The following NEK10 variants were observed in gnomAD, a reference collection of about 807,000 sequenced individuals.
NEK10 encodes serine/threonine-protein kinase Nek10.
NEK10 carries 122 observed loss-of-function variants against 159.8 expected under a neutral mutation model. The observed-to-expected ratio is 0.76, with a 90% CI of 0.66 to 0.89. The LOEUF (loss-of-function observed/expected upper bound fraction) is 0.89, where lower values mean the gene tolerates loss of function less well. Among genes scored for constraint, NEK10 ranks in the 40% least tolerant of loss-of-function variants. NEK10 has a pLI of 0.00. For missense variants in NEK10, 1,342 were observed against 1,323.1 expected (o/e 1.01, Z -0.22); for synonymous variants, 466 against 457.1 (o/e 1.02, Z -0.25).
chr3:27,124,822 T>C (rs550859223), intron 32 of NEK10, among the ~76,000 whole-genome samples: 2 of 152,324 alleles, frequency 1.3e-5, no homozygotes, highest in South Asian at 2.1e-4. Flanking sequence ...GGTGGAAATA[T>C]GGAGGACACA....
In NEK10 at chr3:27,110,436, G is replaced by C. The variant is rs1047299835; in HGVS notation, c.*836C>G. ...TGTAATAAGGAGGGATTTAGGATGA[G>C]GAATATTGCATCTTTTTCATAGATT... On this transcript the variant is annotated 3_prime_UTR_variant, in exon 36 of 36. Transcript: ENST00000691995. 2 of 152,142 alleles carry C rather than the reference G, an allele frequency of 1.3e-5. No individual in the cohort carries two copies. Among genetic ancestry groups the C allele is most frequent in the African/African-American group, 2.4e-5 (1 of 41,426 alleles). 9.4% of individuals were successfully genotyped at this position (152,142 alleles called of 1,614,324 possible).
At chr3:27,364,110 C>T (rs1013218362) in intron 1 of NEK10, among the ~76,000 whole-genome samples, 5 of 150,322 alleles carry the variant, frequency 3.3e-5, no homozygotes, top group African/African-American at 9.8e-5. Context: ...GTGGAGAGTG[C>T]GGTCTCACTA....
chr3:27,288,956 G>T (rs1168381423), intron 19 of NEK10, among the ~76,000 whole-genome samples: 1 of 152,136 alleles, frequency 6.6e-6, no homozygotes, highest in Non-Finnish European at 1.5e-5. Context: ...AGCCTCCCTT[G>T]AAGCTGGGGG....
intron 22 of NEK10, among the ~76,000 whole-genome samples, chr3:27,271,053 T>C (rs886413788): frequency 6.6e-6 from 1 of 152,190 alleles, no homozygotes; most frequent in Non-Finnish European, 1.5e-5. Context: ...CTTATCCCTG[T>C]AGACTGATGG....
chr3:27,166,512 G>A (rs7641830), intron 29 of NEK10, among the ~76,000 whole-genome samples: 96,103 of 152,030 alleles, frequency 0.63, 32,478 homozygotes, highest in African/African-American at 0.89. Context: ...TACAGATTAT[G>A]AAAAAGATGG....
chr3:27,133,028 G>A (rs951239070), intron 31 of NEK10, among the ~76,000 whole-genome samples: 1 of 152,090 alleles, frequency 6.6e-6, no homozygotes, highest in Admixed American at 6.6e-5. Flanking sequence ...GACTACTTTT[G>A]GTCAATAAAA....
At chr3:27,333,002 A>G (rs563950073) in intron 5 of NEK10, among the ~76,000 whole-genome samples, 1 of 152,340 alleles carries the variant, frequency 6.6e-6, no homozygotes, top group South Asian at 2.1e-4. Context: ...TGCTTCCTCC[A>G]CTAAGAAGAA....
rs35663067 is a variant in NEK10 at position 27,286,079 on chromosome 3, C to CTTTTTTT, written c.1790-1125_1790-1119dup. On this transcript the variant is annotated intron_variant, in intron 20 of 35. Coordinates refer to ENST00000691995, the MANE Select transcript of NEK10 (RefSeq NM_001394966.1). The stretch of plus-strand genomic sequence containing the variant: ...ATGTATTTTTAAGCCATTTCCAATT[C>CTTTTTTT]TTTTTTTTTTTTTTTTTTTTTTTTG... Among the ~76,000 whole-genome samples, 401 of 57,754 alleles carry CTTTTTTT rather than the reference C, an allele frequency of 6.9e-3. 20 individuals carry two copies. Among genetic ancestry groups the CTTTTTTT allele is most frequent in the African/African-American group, 0.01 (134 of 12,912 alleles). The allele number at this position is 57,754 out of a possible 152,430, so 37.9% of individuals were successfully genotyped here. A position where few individuals can be genotyped will look rare whatever the true frequency, so the allele number is the denominator to read the frequency against.
chr3:27,299,236 T>C (rs1228691867), intron 13 of NEK10, among the ~76,000 whole-genome samples: 1 of 152,164 alleles, frequency 6.6e-6, no homozygotes, highest in Non-Finnish European at 1.5e-5. Context: ...GTGCCCTGCA[T>C]CCCAGCCACT....
intron 12 of NEK10, among the ~76,000 whole-genome samples, chr3:27,303,091 C>A (rs1308914175): frequency 1.3e-5 from 2 of 152,276 alleles, no homozygotes; most frequent in African/African-American, 4.8e-5. Flanking sequence ...AACTGTTTAT[C>A]CAGCTGGGGT....
chr3:27,270,728 G>A (rs1020449504), intron 22 of NEK10, among the ~76,000 whole-genome samples: 4 of 151,942 alleles, frequency 2.6e-5, no homozygotes, highest in South Asian at 2.1e-4. Context: ...TTGCCATCAC[G>A]AGTGTCCATT....
intron 30 of NEK10, among the ~76,000 whole-genome samples, chr3:27,161,505 C>A (rs1022849375): frequency 6.6e-6 from 1 of 152,162 alleles, no homozygotes; most frequent in East Asian, 1.9e-4. Context: ...TAGCATTAAA[C>A]AATAATCCCA....
At chr3:27,250,791 T>C (rs1251366523) in intron 23 of NEK10, among the ~76,000 whole-genome samples, 2 of 152,176 alleles carry the variant, frequency 1.3e-5, no homozygotes, top group Admixed American at 1.3e-4. Flanking sequence ...GCCAGATGTA[T>C]TGAGGTCCAT....
intron 7 of NEK10, 117 bp from the exon 8 acceptor site, chr3:27,312,294 A>G: frequency 1.8e-6 from 1 of 551,806 alleles, no homozygotes; most frequent in Non-Finnish European, 3.2e-6. Context: ...GATTCATCAA[A>G]TAATACTCTC....
intron 23 of NEK10, among the ~76,000 whole-genome samples, chr3:27,219,599 C>A (rs1215825411): frequency 6.6e-6 from 1 of 152,128 alleles, no homozygotes; most frequent in Non-Finnish European, 1.5e-5. Flanking sequence ...TTGGGTTGAG[C>A]TTGTCTGGGT....
At chr3:27,202,681 T>C (rs1950159178) in intron 23 of NEK10, 124 bp from the exon 24 acceptor site, 1 of 1,237,034 alleles carries the variant, frequency 8.1e-7, no homozygotes, top group African/African-American at 1.5e-5. Context: ...AATCACTATT[T>C]CAGGAAAGGA....
chr3:27,256,598 A>G (rs1306885991), intron 22 of NEK10, among the ~76,000 whole-genome samples: 17 of 152,184 alleles, frequency 1.1e-4, no homozygotes, highest in Admixed American at 1.1e-3. Flanking sequence ...CTGTGATTCC[A>G]TTTTTTAGGT....
chr3:27,155,464 T>A (rs923428984), intron 30 of NEK10, among the ~76,000 whole-genome samples: 2 of 150,484 alleles, frequency 1.3e-5, no homozygotes, highest in African/African-American at 4.9e-5. Context: ...ATTGCGCCAC[T>A]GCACACCAGC....
intron 25 of NEK10, among the ~76,000 whole-genome samples, chr3:27,200,053 C>A (rs1370079892): frequency 6.6e-6 from 1 of 151,974 alleles, no homozygotes; most frequent in Non-Finnish European, 1.5e-5. Context: ...TACAACAAAC[C>A]CCCATGACAC....
Sources: allele counts gnomAD v4.1 joint callset (sites outside exome capture counted in the v4.1 genomes callset), GRCh38; gene constraint gnomAD v4.1.1; transcripts MANE v1.5; gene names NCBI Gene and HGNC (gene_info 2026-07-23, HGNC 2026-07-21).